Variants in KDM5A observed in about 807,000 individuals in gnomAD.
KDM5A encodes lysine demethylase 5A.
In KDM5A, 42 loss-of-function variants were observed where a neutral mutation model predicts 193.5. The ratio of observed to expected loss-of-function variants is 0.22; its 90% confidence interval spans 0.17 to 0.28. The LOEUF (loss-of-function observed/expected upper bound fraction) is 0.28, where lower values mean the gene tolerates loss of function less well. Ranked by LOEUF, KDM5A falls within the 10% of genes least tolerant of loss-of-function variation. The pLI is 1.00. For missense variants in KDM5A, 1,692 were observed against 2,055.1 expected, an observed-to-expected ratio of 0.82 and a Z score of 3.42; for synonymous variants, 796 against 718.1, an observed-to-expected ratio of 1.11 and a Z score of -1.73.
chr12:366,731 G>A (rs1944361286), intron 3 of KDM5A, among the ~76,000 whole-genome samples: 2 of 152,206 alleles, frequency 1.3e-5, no homozygotes, highest in Admixed American at 6.5e-5. Context: ...TAACTTGGCT[G>A]AATGGTCACA....
chr12:307,984 C>T lies in KDM5A; in HGVS notation c.3400G>A (p.Glu1134Lys). 1 of 1,614,020 alleles carries T rather than the reference C, an allele frequency of 6.2e-7. No homozygotes were observed. Among genetic ancestry groups the T allele is most frequent in the Non-Finnish European group, 8.5e-7 (1 of 1,180,010 alleles). The change falls in exon 23 of 28, where the codon GAG becomes AAG. Residue 1134 changes from glutamate to lysine, a missense_variant. By Grantham distance (56) the Glu-to-Lys change is moderately conservative. Transcript: ENST00000399788. The surrounding 1 kb of genome is among the most constrained non-coding windows in gnomAD (Gnocchi z 4.3). ...TGCATGGCTTCAATCTCTTTTTGCT[C>T]CCGTTCTTTGAAAACTGCCACCTGT... Reference protein sequence around the residue: ...AMVVAVFKEREQKEIEAMHSL... With the variant: ...AMVVAVFKERKQKEIEAMHSL...
intron 3 of KDM5A, among the ~76,000 whole-genome samples, chr12:372,768 C>G (rs1944446124): frequency 6.6e-6 from 1 of 152,180 alleles, no homozygotes. Context: ...TACGTCCCAT[C>G]AATACCTAAT....
rs1383190407 is a variant in KDM5A at position 285,483 on chromosome 12, T to C, written c.5046A>G (p.Pro1682=). 1.2e-6 allele frequency: 2 copies of C among 1,613,996 alleles called. No individual in the cohort carries two copies. Among genetic ancestry groups the C allele is most frequent in the Non-Finnish European group, 1.7e-6 (2 of 1,179,910 alleles). ...AACTGGTCTCTTTAAGATCCTCCAT[T>C]GGTAGTTTGTAGCTCATTATGAAGG... ...PPSFIMSYKL[P]MEDLKETS The change falls in exon 28 of 28, where the codon CCA becomes CCG. Residue 1682 remains proline (P), a synonymous_variant. Coordinates refer to ENST00000399788, the MANE Select transcript of KDM5A (RefSeq NM_001042603.3).
intron 10 of KDM5A, among the ~76,000 whole-genome samples, chr12:335,995 A>G (rs1045030198): frequency 7.0e-4 from 100 of 142,250 alleles, no homozygotes; most frequent in Non-Finnish European, 1.1e-3. Context: ...GTGAGCCGAG[A>G]TCGCGGCATT....
chr12:290,142 G>T (rs1288926187), intron 27 of KDM5A, among the ~76,000 whole-genome samples: 1 of 151,960 alleles, frequency 6.6e-6, no homozygotes, highest in South Asian at 2.1e-4. Flanking sequence ...TTCTTATTTT[G>T]CTCTAAAGAT....
chr12:373,076 G>A (rs1250824475), intron 3 of KDM5A, among the ~76,000 whole-genome samples: 1 of 152,156 alleles, frequency 6.6e-6, no homozygotes, highest in African/African-American at 2.4e-5. Flanking sequence ...GTCTCTGCCA[G>A]GCTTTGGTAT....
chr12:309,769 C>T (rs974771185), intron 22 of KDM5A, 34 bp downstream of exon 22: 12 of 1,610,802 alleles, frequency 7.4e-6, no homozygotes, highest in Non-Finnish European at 1.0e-5. Flanking sequence ...TTTGTATTCA[C>T]CAAGCAAACT....
rs1417421763 is a variant in KDM5A, at chr12:284,746, T to A, written c.*710A>T. Reference sequence around the variant, plus strand: ...CAAAAAACGGCTCCTTGCCTTGTAGTAGGTTCTTCTCCTCAGAATCCAATC... The same window carrying A: ...CAAAAAACGGCTCCTTGCCTTGTAGAAGGTTCTTCTCCTCAGAATCCAATC... On this transcript the variant is annotated 3_prime_UTR_variant, in exon 28 of 28. Coordinates refer to ENST00000399788, the MANE Select transcript of KDM5A (RefSeq NM_001042603.3). 4.3e-6 allele frequency: 1 copy of A among 232,978 alleles called. No homozygotes were observed. The highest frequency in any genetic ancestry group is 2.2e-5 in the African/African-American group (1 of 45,320). 14.4% of individuals were successfully genotyped at this position (232,978 alleles called of 1,614,324 possible).
At chr12:357,827 C>CA (rs61577928) in intron 5 of KDM5A, among the ~76,000 whole-genome samples, 866 of 29,802 alleles carry the variant, frequency 0.029, 132 homozygotes, top group African/African-American at 0.06. Flanking sequence ...GACTCAGTCT[C>CA]AAAAAAAAAA....
chr12:331,492 G>GAA (rs1446817714), intron 13 of KDM5A, among the ~76,000 whole-genome samples: 2 of 152,152 alleles, frequency 1.3e-5, no homozygotes, highest in Non-Finnish European at 2.9e-5. Context: ...CAAAATAAAG[G>GAA]AAAGAAGGAA....
Position 389,204 on chromosome 12 carries a change from G to A in KDM5A, c.-113C>T, listed in dbSNP as rs536717998. ...GACAGAGGCCGAAGCGCATCTTCGC[G>A]GACAAGAACCGTTCAACACAGAAAC... On this transcript the variant is annotated 5_prime_UTR_variant, in exon 1 of 28. Coordinates refer to ENST00000399788, the MANE Select transcript of KDM5A (RefSeq NM_001042603.3). The A allele has an allele frequency of 4.1e-5, 41 of 1,002,422 alleles. No individual in the cohort carries two copies. Among genetic ancestry groups the A allele is most frequent in the African/African-American group, 4.0e-4 (26 of 64,590 alleles). 62.1% of individuals were successfully genotyped at this position (1,002,422 alleles called of 1,614,324 possible). A position where few individuals can be genotyped will look rare whatever the true frequency, so the allele number is the denominator to read the frequency against.
At chr12:383,944 T>A (rs1944609092) in intron 3 of KDM5A, 87 bp downstream of exon 3, 2 of 1,381,028 alleles carry the variant, frequency 1.4e-6, no homozygotes, top group African/African-American at 2.8e-5. Context: ...AAATCCTCTA[T>A]TGGAAGCAAT....
At position 297,325 on chromosome 12, in the gene KDM5A, A is replaced by C. The variant is rs1472117971; in HGVS notation, c.4075-125T>G. On this transcript the variant is annotated intron_variant, in intron 24 of 27. Transcript: ENST00000399788. ...ACTAAAAATATGAGATTAAAATTAA[A>C]TATCTGATGTTAAATAAGATAGAAA... The C allele has an allele frequency of 2.5e-5, 20 of 803,874 alleles. 1 individual carries two copies. The South Asian group carries it at 3.1e-4, about 13-fold the overall frequency. The allele number at this position is 803,874 out of a possible 1,614,324, so 49.8% of individuals were successfully genotyped here. A position where few individuals can be genotyped will look rare whatever the true frequency, so the allele number is the denominator to read the frequency against.
intron 15 of KDM5A, 27 bp from the exon 16 acceptor site, chr12:323,233 A>AAAAAAAAAAAAAAC: frequency 6.7e-7 from 1 of 1,498,986 alleles, no homozygotes; most frequent in Non-Finnish European, 8.9e-7. Flanking sequence ...AAAAAAAAAA[A>AAAAAAAAAAAAAAC]AAAAAAGAAA....
chr12:295,601 G>T lies in KDM5A; in HGVS notation c.4427C>A (p.Ser1476Tyr). 6.2e-7 allele frequency: 1 copy of T among 1,614,132 alleles called. No individual in the cohort carries two copies. Among genetic ancestry groups the T allele is most frequent in the Non-Finnish European group, 8.5e-7 (1 of 1,179,980 alleles). ...WRILQATHPP[S>Y]EDRFLHIMED... ...CATGATATGCAAGAATCTGTCTTCA[G>T]AGGGTGGGTGTGTGGCCTGCAAAAT... The change falls in exon 26 of 28, where the codon TCT becomes TAT. Residue 1476 changes from serine to tyrosine, a missense_variant. This residue lies in a region of KDM5A where 965 missense variants were observed against 1,061.0 expected (regional missense o/e 0.91). Transcript: ENST00000399788.
intron 10 of KDM5A, among the ~76,000 whole-genome samples, chr12:340,694 C>CAAAAAAAAAAAAAAAAAAAAAAAAAA (rs375465074): frequency 2.0e-5 from 1 of 51,126 alleles, no homozygotes; most frequent in East Asian, 6.7e-4. Flanking sequence ...GACTCCATCA[C>CAAAAAAAAAAAAAAAAAAAAAAAAAA]AAAAAAAAAA....
At chr12:286,550 C>A (rs140062144) in intron 27 of KDM5A, among the ~76,000 whole-genome samples, 28 of 152,254 alleles carry the variant, frequency 1.8e-4, no homozygotes, top group African/African-American at 6.5e-4. Context: ...CACCTCAATA[C>A]CAAGGTTGGT....
Position 307,912 on chromosome 12 carries a change from T to A in KDM5A, c.3472A>T (p.Ile1158Leu). The A allele has an allele frequency of 6.2e-7, 1 of 1,614,184 alleles. No homozygotes were observed. The highest frequency in any genetic ancestry group is 8.5e-7 in the Non-Finnish European group (1 of 1,180,040). The change falls in exon 23 of 28, where the codon ATA becomes TTA. Residue 1158 changes from isoleucine to leucine, a missense_variant. By Grantham distance (5) the Ile-to-Leu change is conservative (BLOSUM62 2). Around this residue, in one of 11 missense-constraint regions of KDM5A, gnomAD observed 965 missense variants for 1,061.0 expected, o/e 0.91. Transcript: ENST00000399788. The surrounding 1 kb of genome is among the most constrained non-coding windows in gnomAD (Gnocchi z 4.3). The part of the protein sequence containing the change: ...NLAKMTMVDR[I>L]EEVKFCICRK... ...CAAATGCAAAATTTTACTTCTTCTATGCGGTCCACCATTGTCATCTTGGCT... is the reference window on the plus strand; with the variant it reads ...CAAATGCAAAATTTTACTTCTTCTAAGCGGTCCACCATTGTCATCTTGGCT...
Position 360,225 on chromosome 12 carries a change from G to A in KDM5A, c.672+2738C>T, listed in dbSNP as rs529936299. Among the ~76,000 whole-genome samples, 7 of 152,212 alleles carry A rather than the reference G, an allele frequency of 4.6e-5. No individual in the cohort carries two copies. In the East Asian group the frequency reaches 1.4e-3, roughly 29 times the overall value. On this transcript the variant is annotated intron_variant, in intron 5 of 27. Transcript: ENST00000399788. The stretch of plus-strand genomic sequence containing the variant: ...GGAGGCAGAGGTCACAGTGAGCCAA[G>A]ATCATGCCACTGCACTCCAGCCTGG...
Sources: gnomAD v4.1 joint callset for allele counts (sites outside exome capture counted in the v4.1 genomes callset) on GRCh38, gnomAD v4.1.1 for gene constraint, gnomAD v4.1.1 regional missense constraint, Gnocchi (gnomAD v3.1) non-coding constraint, MANE v1.5 for transcripts, NCBI Gene and HGNC (gene_info 2026-07-23, HGNC 2026-07-21) for gene names.